Variants in CPNE8 observed in about 807,000 individuals in gnomAD.
The protein encoded by CPNE8 is copine-8.
In CPNE8, 45 loss-of-function variants were observed where a neutral mutation model predicts 81.5. The observed-to-expected ratio is 0.55, with a 90% CI of 0.44 to 0.71. The LOEUF (loss-of-function observed/expected upper bound fraction) is 0.71, where lower values mean the gene tolerates loss of function less well. Among genes scored for constraint, CPNE8 ranks in the 30% least tolerant of loss-of-function variants. The probability of loss-of-function intolerance (pLI) is 0.00; values close to 1 mark genes in which losing one functional copy is unlikely to be tolerated. For missense variants in CPNE8, 594 were observed against 672.1 expected (o/e 0.88, Z 1.28); for synonymous variants, 252 against 226.3 (o/e 1.11, Z -1.02).
At chr12:38,760,811 C>A in intron 10 of CPNE8, 36 bp downstream of exon 10, 1 of 1,526,978 alleles carries the variant, frequency 6.5e-7, no homozygotes, top group African/African-American at 1.4e-5. Flanking sequence ...TTAAAGTACA[C>A]CCAGTTCAAG....
At chr12:38,668,416 T>C (rs543384558) in intron 19 of CPNE8, among the ~76,000 whole-genome samples, 1 of 152,310 alleles carries the variant, frequency 6.6e-6, no homozygotes, top group South Asian at 2.1e-4. Flanking sequence ...TTAATGCAAA[T>C]ATGTTGTCAC....
rs1478627726 is a variant in CPNE8, at chr12:38,653,421, A to G, written c.*461T>C. The stretch of plus-strand genomic sequence containing the variant: ...TGTGATTATAGCTATTGCAATTTAG[A>G]AGACAAAGGATTCAGTATTTAAAAC... On this transcript the variant is annotated 3_prime_UTR_variant, in exon 20 of 20. Transcript: ENST00000331366. 2 of 152,836 alleles carry G rather than the reference A, an allele frequency of 1.3e-5. No homozygotes were observed. Among genetic ancestry groups the G allele is most frequent in the African/African-American group, 2.4e-5 (1 of 41,468 alleles). The allele number at this position is 152,836 out of a possible 1,614,324, so 9.5% of individuals were successfully genotyped here.
At chr12:38,679,630 C>T (rs1453256328) in intron 16 of CPNE8, 7 of 984,974 alleles carry the variant, frequency 7.1e-6, no homozygotes, top group Non-Finnish European at 7.2e-6. Context: ...ACCTTCGGCA[C>T]CACAAATTAA....
intron 10 of CPNE8, among the ~76,000 whole-genome samples, chr12:38,736,591 T>A (rs1403769436): frequency 6.6e-6 from 1 of 151,988 alleles, no homozygotes; most frequent in Non-Finnish European, 1.5e-5. Context: ...TGCATGTGTA[T>A]CTATTAGACA....
chr12:38,884,010 A>G (rs994197060), intron 1 of CPNE8, among the ~76,000 whole-genome samples: 28 of 152,230 alleles, frequency 1.8e-4, no homozygotes, highest in Non-Finnish European at 3.5e-4. Context: ...AATCCACAGT[A>G]TCTTTTTATA....
chr12:38,677,610 G>T, intron 16 of CPNE8, 56 bp from the exon 17 acceptor site: 1 of 940,974 alleles, frequency 1.1e-6, no homozygotes. Context: ...TGTGATGGTT[G>T]GTAAATACAA....
At chr12:38,761,775 C>T (rs1193251046) in intron 9 of CPNE8, among the ~76,000 whole-genome samples, 1 of 152,130 alleles carries the variant, frequency 6.6e-6, no homozygotes, top group African/African-American at 2.4e-5. Flanking sequence ...TTTTGTGAAT[C>T]AGCAACCATG....
At position 38,661,006 on chromosome 12, in the gene CPNE8, G is replaced by A. The variant is rs534422166; in HGVS notation, c.1507-6936C>T. ...GAAATAAGAATGTTTTTACACTGTT[G>A]GTGGGAGTGTAAATTAGTTCAACTA... On this transcript the variant is annotated intron_variant, in intron 19 of 19. Coordinates refer to ENST00000331366, the MANE Select transcript of CPNE8 (RefSeq NM_153634.3). 3.3e-5 allele frequency among the ~76,000 whole-genome samples: 5 copies of A among 152,310 alleles called. No homozygotes were observed. In the South Asian group the frequency reaches 1.0e-3, roughly 32 times the overall value.
chr12:38,685,612 C>T lies in CPNE8; in HGVS notation c.1149G>A (p.Gly383=), dbSNP rs1441899395. The T allele has an allele frequency of 7.5e-6, 12 of 1,609,772 alleles. No homozygotes were observed. Among genetic ancestry groups the T allele is most frequent in the Non-Finnish European group, 1.0e-5 (12 of 1,178,616 alleles). The change falls in exon 16 of 20, where the codon GGG becomes GGA. Residue 383 remains glycine (G), a synonymous_variant. Coordinates refer to ENST00000331366, the MANE Select transcript of CPNE8 (RefSeq NM_153634.3). ...CATCACAGTAGGGGTTTTGAGGATT[C>T]CCATTCTGTAGAAATTTATAGGCAA... ...GRISHEFALN[G]NPQNPYCDGI... is the part of the protein sequence containing the mutation.
chr12:38,864,509 T>C (rs145772637), intron 3 of CPNE8, among the ~76,000 whole-genome samples: 3 of 152,242 alleles, frequency 2.0e-5, no homozygotes, highest in Non-Finnish European at 4.4e-5. Flanking sequence ...GCACTAGTTA[T>C]TAAAACAGTA....
chr12:38,709,280 T>C (rs1335936663), intron 13 of CPNE8, among the ~76,000 whole-genome samples: 4 of 152,218 alleles, frequency 2.6e-5, no homozygotes, highest in Non-Finnish European at 5.9e-5. Context: ...CTTATCCTTT[T>C]GCTTTTCTTA....
chr12:38,810,914 A>T (rs1202234996), intron 6 of CPNE8, among the ~76,000 whole-genome samples: 1 of 152,074 alleles, frequency 6.6e-6, no homozygotes, highest in Non-Finnish European at 1.5e-5. Context: ...TCATTCTTTC[A>T]ATCTCTTAGA....
intron 10 of CPNE8, among the ~76,000 whole-genome samples, chr12:38,743,003 A>G (rs892348261): frequency 6.6e-6 from 1 of 151,998 alleles, no homozygotes; most frequent in East Asian, 1.9e-4. Context: ...TAATTCTAAA[A>G]CCCTCCATAG....
At chr12:38,808,913 G>A (rs981140970) in intron 6 of CPNE8, among the ~76,000 whole-genome samples, 2 of 151,952 alleles carry the variant, frequency 1.3e-5, no homozygotes, top group East Asian at 1.9e-4. Context: ...TTTCAAGCAC[G>A]CTAGTAAACA....
chr12:38,660,562 A>AAAT (rs1938928999), intron 19 of CPNE8, among the ~76,000 whole-genome samples: 1 of 152,186 alleles, frequency 6.6e-6, no homozygotes, highest in South Asian at 2.1e-4. Context: ...TAGAATAAAG[A>AAAT]CTTCATGACT....
chr12:38,659,236 C>T (rs773853116), intron 19 of CPNE8, among the ~76,000 whole-genome samples: 26 of 147,796 alleles, frequency 1.8e-4, no homozygotes, highest in Non-Finnish European at 3.1e-4. Context: ...AAAAAAAAAG[C>T]GGGGATTGCA....
At chr12:38,789,666 G>A (rs1439435563) in intron 6 of CPNE8, among the ~76,000 whole-genome samples, 1 of 151,424 alleles carries the variant, frequency 6.6e-6, no homozygotes, top group African/African-American at 2.4e-5. Flanking sequence ...ACAACCCACA[G>A]AATAAGAGAA....
chr12:38,838,289 C>T (rs151096020), intron 5 of CPNE8, among the ~76,000 whole-genome samples: 1,626 of 152,120 alleles, frequency 0.011, 11 homozygotes, highest in Non-Finnish European at 0.016. Context: ...CAAAGAGAAG[C>T]AGAAGCTCAG....
intron 18 of CPNE8, among the ~76,000 whole-genome samples, chr12:38,674,871 C>A (rs1182338074): frequency 2.6e-5 from 4 of 152,154 alleles, no homozygotes; most frequent in Non-Finnish European, 5.9e-5. Context: ...CAGTAACTTA[C>A]AAAGATTGTG....
Sources: allele counts gnomAD v4.1 joint callset (sites outside exome capture counted in the v4.1 genomes callset), GRCh38; gene constraint gnomAD v4.1.1; transcripts MANE v1.5; gene names NCBI Gene and HGNC (gene_info 2026-07-23, HGNC 2026-07-21).